The following PCDHGB7 variants were observed in gnomAD, a reference collection of about 807,000 sequenced individuals.
PCDHGB7 encodes the protein protocadherin gamma subfamily B, 7, also known as protocadherin gamma-B7.
A neutral mutation model predicts 61.4 loss-of-function variants in PCDHGB7; 37 were observed. That is an observed-to-expected ratio of 0.60 (90% confidence interval 0.46 to 0.79). The LOEUF is 0.79. Ranked by LOEUF, PCDHGB7 falls within the 30% of genes least tolerant of loss-of-function variation. The pLI, the probability that PCDHGB7 is intolerant of heterozygous loss-of-function variation, is 0.00. For missense variants in PCDHGB7, 1,166 were observed against 1,202.5 expected (o/e 0.97, Z 0.45); for synonymous variants, 464 against 503.5 (o/e 0.92, Z 1.05).
Position 141,485,182 on chromosome 5 carries a change from C to A in PCDHGB7, c.2416-9625C>A. 6.2e-7 allele frequency: 1 copy of A among 1,613,070 alleles called. No individual in the cohort carries two copies. The highest frequency in any genetic ancestry group is 8.5e-7 in the Non-Finnish European group (1 of 1,179,154). On this transcript the variant is annotated intron_variant, in intron 1 of 3. Coordinates refer to ENST00000398594, the MANE Select transcript of PCDHGB7 (RefSeq NM_018927.4). This position sits in a 1 kb window ranked among gnomAD's most constrained non-coding sequence, Gnocchi z 5.7. ...ATTAGCGGGCGGCAGCAATGCTCCG[C>A]AAGGTGAGAAGCTGGACAGAAATCT...
chr5:141,477,087 C>T lies in PCDHGB7; in HGVS notation c.2416-17720C>T, dbSNP rs748424193. ...AAACTCCATGAGATTTACATCCAGG[C>T]CAAAGACAAGGGCGCCAATCCCGAA... On this transcript the variant is annotated intron_variant, in intron 1 of 3. Coordinates refer to ENST00000398594, the MANE Select transcript of PCDHGB7 (RefSeq NM_018927.4). The surrounding 1 kb of genome is among the most constrained non-coding windows in gnomAD (Gnocchi z 4.9). The T allele has an allele frequency of 1.2e-6, 2 of 1,614,244 alleles. No individual in the cohort carries two copies. Among genetic ancestry groups the T allele is most frequent in the Admixed American group, 3.3e-5 (2 of 60,032 alleles).
chr5:141,511,182 C>A lies in PCDHGB7; in HGVS notation c.*9C>A. ...AGAAGGAGAAGAAGTAACATGGAGG[C>A]CAGGCCAAGAGCCACAGGGCGGCCT... is the stretch of plus-strand genomic sequence containing the variant. On this transcript the variant is annotated 3_prime_UTR_variant, in exon 4 of 4. Transcript: ENST00000398594. 6.2e-7 allele frequency: 1 copy of A among 1,614,022 alleles called. No homozygotes were observed. Among genetic ancestry groups the A allele is most frequent in the Non-Finnish European group, 8.5e-7 (1 of 1,179,946 alleles).
At chr5:141,429,387 T>TTA (rs775632416) in intron 1 of PCDHGB7, among the ~76,000 whole-genome samples, 40 of 151,448 alleles carry the variant, frequency 2.6e-4, no homozygotes, top group African/African-American at 7.0e-4. Context: ...GTTTTTTTTT[T>TTA]AAAAAAAATT....
At chr5:141,460,993 A>T (rs1230217075) in intron 1 of PCDHGB7, among the ~76,000 whole-genome samples, 1 of 143,898 alleles carries the variant, frequency 6.9e-6, no homozygotes, top group South Asian at 2.2e-4. Flanking sequence ...GTATATATAT[A>T]TATGTGTATA....
chr5:141,466,278 T>G (rs1459665755), intron 1 of PCDHGB7, among the ~76,000 whole-genome samples: 1 of 152,128 alleles, frequency 6.6e-6, no homozygotes, highest in Non-Finnish European at 1.5e-5. Context: ...TCAAGCAATC[T>G]TCCCACCTCA....
At position 141,487,235 on chromosome 5, in the gene PCDHGB7, C is replaced by A. The variant is rs752316565; in HGVS notation, c.2416-7572C>A. ...TTCAGCTCCAAGGGAAGGAGAATCT[C>A]GTCTAACCCTCTACTTGGCTGTGTC... On this transcript the variant is annotated intron_variant, in intron 1 of 3. Coordinates refer to ENST00000398594, the MANE Select transcript of PCDHGB7 (RefSeq NM_018927.4). This position sits in a 1 kb window ranked among gnomAD's most constrained non-coding sequence, Gnocchi z 5.0. 11 of 1,614,126 alleles carry A rather than the reference C, an allele frequency of 6.8e-6. No homozygotes were observed. The highest frequency in any genetic ancestry group is 7.6e-6 in the Non-Finnish European group (9 of 1,179,994).
chr5:141,500,043 T>A (rs1240979831), intron 2 of PCDHGB7, among the ~76,000 whole-genome samples: 1 of 152,048 alleles, frequency 6.6e-6, no homozygotes, highest in East Asian at 1.9e-4. Flanking sequence ...CTCTTAAGTA[T>A]CTTAATGCTC....
At chr5:141,422,597 C>T in intron 1 of PCDHGB7, 1 of 1,614,102 alleles carries the variant, frequency 6.2e-7, no homozygotes, top group Non-Finnish European at 8.5e-7. Context: ...CCTCACTCCT[C>T]TTACTCTGCC....
Position 141,487,904 on chromosome 5 carries a change from G to A in PCDHGB7, c.2416-6903G>A, listed in dbSNP as rs1229814755. On this transcript the variant is annotated intron_variant, in intron 1 of 3. Coordinates refer to ENST00000398594, the MANE Select transcript of PCDHGB7 (RefSeq NM_018927.4). The surrounding 1 kb of genome is among the most constrained non-coding windows in gnomAD (Gnocchi z 5.0). ...TGTGGAAGCATGATGATGGAATGTG[G>A]GAGCACAGGAGGCTACAGTGCACAG... 8.8e-6 allele frequency: 6 copies of A among 685,686 alleles called. No individual in the cohort carries two copies. The highest frequency in any genetic ancestry group is 1.5e-5 in the Non-Finnish European group (6 of 410,118). 42.5% of individuals were successfully genotyped at this position (685,686 alleles called of 1,614,324 possible). A position where few individuals can be genotyped will look rare whatever the true frequency, so the allele number is the denominator to read the frequency against.
At chr5:141,428,493 T>G in intron 1 of PCDHGB7, 1 of 307,146 alleles carries the variant, frequency 3.3e-6, no homozygotes, top group Non-Finnish European at 6.3e-6. Context: ...GCAATCTGTA[T>G]GTTCCCTCGG....
rs779718690 is a variant in PCDHGB7, at chr5:141,421,727, C to G, written c.2415+1453C>G. ...AGGGATCCAGATGTGGGCGTGAACT[C>G]CCTCCAGAGCTACCAGCTCAGCCCT... On this transcript the variant is annotated intron_variant, in intron 1 of 3. Coordinates refer to ENST00000398594, the MANE Select transcript of PCDHGB7 (RefSeq NM_018927.4). The G allele has an allele frequency of 1.9e-6, 3 of 1,613,916 alleles. No individual in the cohort carries two copies. In the East Asian group the frequency reaches 6.7e-5, roughly 36 times the overall value.
rs116716465 is a variant in PCDHGB7, at chr5:141,484,286, C to T, written c.2416-10521C>T. ...GATTCTTTACTGTTTTGAAACATCTCCCTCTCCTGGCTTCCTCCACCCCGC... is the reference window on the plus strand; with the variant it reads ...GATTCTTTACTGTTTTGAAACATCTTCCTCTCCTGGCTTCCTCCACCCCGC... On this transcript the variant is annotated intron_variant, in intron 1 of 3. Coordinates refer to ENST00000398594, the MANE Select transcript of PCDHGB7 (RefSeq NM_018927.4). 8.3e-3 allele frequency among the ~76,000 whole-genome samples: 1,266 copies of T among 152,294 alleles called. 10 individuals carry two copies. The highest frequency in any genetic ancestry group is 0.014 in the Non-Finnish European group (936 of 68,022).
intron 1 of PCDHGB7, among the ~76,000 whole-genome samples, chr5:141,447,749 T>G (rs1462661604): frequency 6.6e-6 from 1 of 152,196 alleles, no homozygotes; most frequent in Non-Finnish European, 1.5e-5. Context: ...GAGTCTTGCA[T>G]GTGACTGTAT....
chr5:141,459,992 C>T (rs1327580257), intron 1 of PCDHGB7, among the ~76,000 whole-genome samples: 1 of 152,126 alleles, frequency 6.6e-6, no homozygotes, highest in Admixed American at 6.5e-5. Flanking sequence ...ACAGGAGAAT[C>T]GCTTGAACCC....
Position 141,489,090 on chromosome 5 carries a change from C to CCAA in PCDHGB7, c.2416-5717_2416-5716insCAA, listed in dbSNP as rs2099682444. 1 of 328,824 alleles carries CCAA rather than the reference C, an allele frequency of 3.0e-6. No individual in the cohort carries two copies. Among genetic ancestry groups the CCAA allele is most frequent in the Admixed American group, 6.1e-5 (1 of 16,500 alleles). The allele number at this position is 328,824 out of a possible 1,614,324, so 20.4% of individuals were successfully genotyped here. ...CCTGCCCACCCCCGCCACTCGGTGA[C>CCAA]TAAGAACTGCTGCAAGCAGGCAAAC... On this transcript the variant is annotated intron_variant, in intron 1 of 3. Transcript: ENST00000398594. This position sits in a 1 kb window ranked among gnomAD's most constrained non-coding sequence, Gnocchi z 4.5.
intron 1 of PCDHGB7, among the ~76,000 whole-genome samples, chr5:141,463,489 C>T (rs1190438683): frequency 7.2e-6 from 1 of 138,270 alleles, no homozygotes; most frequent in African/African-American, 2.8e-5. Context: ...CGCTCTGTCA[C>T]CCAGGCTGGA....
Position 141,476,416 on chromosome 5 carries a change from A to G in PCDHGB7, c.2416-18391A>G. On this transcript the variant is annotated intron_variant, in intron 1 of 3. Coordinates refer to ENST00000398594, the MANE Select transcript of PCDHGB7 (RefSeq NM_018927.4). The surrounding 1 kb of genome is among the most constrained non-coding windows in gnomAD (Gnocchi z 7.6). ...TGGATCGAGAGGAGCTGTGTGGGAC[A>G]CTGCCCTCTTGCACTGTAACTCTGG... 1 of 1,614,056 alleles carries G rather than the reference A, an allele frequency of 6.2e-7. No individual in the cohort carries two copies. The highest frequency in any genetic ancestry group is 8.5e-7 in the Non-Finnish European group (1 of 1,179,994).
Position 141,493,359 on chromosome 5 carries a change from G to A in PCDHGB7, c.2416-1448G>A, listed in dbSNP as rs956980110. Among the ~76,000 whole-genome samples the A allele has an allele frequency of 2.6e-5, 4 of 152,148 alleles. No homozygotes were observed. The highest frequency in any genetic ancestry group is 9.7e-5 in the African/African-American group (4 of 41,418). ...CCAGAATGTGTGCTTTTAATTTCTT[G>A]GCACTTGGAACTTTAAAAGCTTGAG... On this transcript the variant is annotated intron_variant, in intron 1 of 3. Transcript: ENST00000398594. This position sits in a 1 kb window ranked among gnomAD's most constrained non-coding sequence, Gnocchi z 4.3.
At chr5:141,448,223 T>C (rs1377619033) in intron 1 of PCDHGB7, among the ~76,000 whole-genome samples, 1 of 152,204 alleles carries the variant, frequency 6.6e-6, no homozygotes, top group Non-Finnish European at 1.5e-5. Context: ...TGCGAATGTA[T>C]GTGTGGGGTT....
Sources: allele counts gnomAD v4.1 joint callset (sites outside exome capture counted in the v4.1 genomes callset), GRCh38; gene constraint gnomAD v4.1.1; non-coding constraint Gnocchi (gnomAD v3.1); transcripts MANE v1.5; gene names NCBI Gene and HGNC (gene_info 2026-07-23, HGNC 2026-07-21).